The following RS1 variants were observed in gnomAD, a reference collection of about 807,000 sequenced individuals.
RS1 encodes retinoschisin.
In RS1, 2 loss-of-function variants were observed where a neutral mutation model predicts 20.8. The ratio of observed to expected loss-of-function variants is 0.10; its 90% confidence interval spans 0.04 to 0.30. RS1 has a LOEUF of 0.30. Ranked by LOEUF, RS1 falls within the 10% of genes least tolerant of loss-of-function variation. RS1 has a pLI of 1.00. For synonymous variants in RS1, 70 were observed against 75.8 expected, an observed-to-expected ratio of 0.92 and a Z score of 0.40; for missense variants, 151 against 189.8, an observed-to-expected ratio of 0.80 and a Z score of 1.20.
chrX:18,641,838 A>T lies in RS1; in HGVS notation c.*166T>A, dbSNP rs1927585547. 1 of 467,779 alleles carries T rather than the reference A, an allele frequency of 2.1e-6. No homozygotes were observed. Among genetic ancestry groups the T allele is most frequent in the Non-Finnish European group, 3.6e-6 (1 of 278,919 alleles). The allele number at this position is 467,779 out of a possible 1,213,427, so 38.6% of individuals were successfully genotyped here. ...GAATAAGTTCATTTTTATTTCATTG[A>T]AATCAGAAAGCTATATCTTAAAAAA... On this transcript the variant is annotated 3_prime_UTR_variant, in exon 6 of 6. Transcript: ENST00000379984.
At chrX:18,650,362 CCT>C (rs1355614575) in intron 3 of RS1, 1 of 1,157,867 alleles carries the variant, frequency 8.6e-7, no homozygotes, top group Non-Finnish European at 1.2e-6. Context: ...CCGATGCCTG[CCT>C]CCCGGGCCCC....
At chrX:18,666,290 T>C (rs112602884) in intron 1 of RS1, among the ~76,000 whole-genome samples, 2 of 111,642 alleles carry the variant, frequency 1.8e-5, no homozygotes, top group African/African-American at 6.5e-5. Flanking sequence ...CTTTTGGGCT[T>C]AGGGAAGCCC....
Position 18,641,939 on chromosome X carries a change from AG to A in RS1, c.*64del. On this transcript the variant is annotated 3_prime_UTR_variant, in exon 6 of 6. Coordinates refer to ENST00000379984, the MANE Select transcript of RS1 (RefSeq NM_000330.4). Reference sequence around the variant, plus strand: ...GCCCTGTCCATCTCGGTGGTGTGTGAGGGGGTCCCCTACGGCCCGCTCTGTG... The same window carrying A: ...GCCCTGTCCATCTCGGTGGTGTGTGAGGGGTCCCCTACGGCCCGCTCTGTG... The A allele has an allele frequency of 9.0e-7, 1 of 1,111,352 alleles. No homozygotes were observed. Among genetic ancestry groups the A allele is most frequent in the Non-Finnish European group, 1.2e-6 (1 of 825,296 alleles). 91.6% of individuals were successfully genotyped at this position (1,111,352 alleles called of 1,213,427 possible).
At chrX:18,667,867 T>C (rs894392255) in intron 1 of RS1, among the ~76,000 whole-genome samples, 2 of 111,780 alleles carry the variant, frequency 1.8e-5, no homozygotes, top group African/African-American at 6.5e-5. Flanking sequence ...CATATCCTTA[T>C]GGAAGTGAGC....
In RS1 at chrX:18,653,057, G is replaced by C. The variant is rs142914969; in HGVS notation, c.184+3596C>G. Among the ~76,000 whole-genome samples, 343 of 112,260 alleles carry C rather than the reference G, an allele frequency of 3.1e-3. 3 individuals are homozygous for C. The highest frequency in any genetic ancestry group is 0.011 in the African/African-American group (329 of 30,981). ...AGTGTTATGCATAGATATTAGACTT[G>C]AATATATGTGACAATATAGTAGAGT... On this transcript the variant is annotated intron_variant, in intron 3 of 5. Transcript: ENST00000379984.
At chrX:18,652,539 G>GC (rs1393123583) in intron 3 of RS1, among the ~76,000 whole-genome samples, 3 of 111,415 alleles carry the variant, frequency 2.7e-5, no homozygotes, top group East Asian at 5.7e-4. Context: ...CGCAGTGGTT[G>GC]GCACCTGTAA....
intron 1 of RS1, among the ~76,000 whole-genome samples, chrX:18,664,734 A>G (rs1478946075): frequency 9.0e-6 from 1 of 110,678 alleles, no homozygotes; most frequent in Non-Finnish European, 1.9e-5. Context: ...TATTATTTTG[A>G]GACAGGTTCT....
chrX:18,657,192 A>G (rs1928230936), intron 2 of RS1, among the ~76,000 whole-genome samples: 1 of 103,550 alleles, frequency 9.7e-6, no homozygotes, highest in African/African-American at 3.5e-5. Flanking sequence ...CAAATGTGCT[A>G]CAGTCACCAT....
At chrX:18,651,534 T>A (rs1180606042) in intron 3 of RS1, among the ~76,000 whole-genome samples, 2 of 110,787 alleles carry the variant, frequency 1.8e-5, no homozygotes, top group African/African-American at 6.6e-5. Flanking sequence ...CTGGGCACGC[T>A]CAGAAAACTT....
intron 3 of RS1, chrX:18,650,505 C>G: frequency 1.7e-6 from 2 of 1,211,951 alleles, no homozygotes; most frequent in Non-Finnish European, 1.1e-6. Flanking sequence ...TGCTCCCTAT[C>G]CAGTACTCCA....
In RS1 at chrX:18,642,136, G is replaced by A; in HGVS notation, c.543C>T (p.Asp181=). 2 of 1,211,858 alleles carry A rather than the reference G, an allele frequency of 1.7e-6. No homozygotes were observed. Among genetic ancestry groups the A allele is most frequent in the African/African-American group, 1.7e-5 (1 of 57,880 alleles). Residue 181 remains aspartate (D), a synonymous_variant, in exon 6 of 6, where the codon GAC becomes GAT. Transcript: ENST00000379984. ...GCAGGTTCTGAACCGTGGAGGTGCG[G>A]TCCGAGTTGCCATAGAAGACCTAGA... The part of the protein sequence containing the change: ...GNNRVFYGNS[D]RTSTVQNLLR...
chrX:18,646,046 G>A, intron 4 of RS1: 1 of 1,211,881 alleles, frequency 8.3e-7, no homozygotes, highest in Non-Finnish European at 1.1e-6. Context: ...CACCATTCTG[G>A]ACCCCAAGAT....
chrX:18,666,277 G>A (rs1014603543), intron 1 of RS1, among the ~76,000 whole-genome samples: 66 of 111,948 alleles, frequency 5.9e-4, no homozygotes, highest in African/African-American at 1.9e-3. Flanking sequence ...ACAGGGACTG[G>A]TCCTTTTGGG....
intron 1 of RS1, among the ~76,000 whole-genome samples, chrX:18,669,777 C>A (rs948868676): frequency 8.9e-6 from 1 of 112,093 alleles, no homozygotes; most frequent in Admixed American, 9.5e-5. Flanking sequence ...TCCTCTGTCC[C>A]CTGGAGCATC....
intron 4 of RS1, among the ~76,000 whole-genome samples, chrX:18,646,520 C>T (rs1228337796): frequency 2.7e-5 from 3 of 112,474 alleles, no homozygotes; most frequent in Non-Finnish European, 5.6e-5. Context: ...CTTTGGTGCT[C>T]TTTGTTACAA....
In RS1 at chrX:18,653,347, T is replaced by TG. The variant is rs1569232339; in HGVS notation, c.184+3305dup. On this transcript the variant is annotated intron_variant, in intron 3 of 5. Coordinates refer to ENST00000379984, the MANE Select transcript of RS1 (RefSeq NM_000330.4). Reference sequence around the variant, plus strand: ...AGAATGCATGTGGCCTTCTGCTCCGTGGGGGGCCCGGGCATTAGCCAGAGT... The same window carrying TG: ...AGAATGCATGTGGCCTTCTGCTCCGTGGGGGGGCCCGGGCATTAGCCAGAGT... 3 of 1,171,770 alleles carry TG rather than the reference T, an allele frequency of 2.6e-6. No individual in the cohort carries two copies. In the African/African-American group the frequency reaches 5.3e-5, roughly 21 times the overall value.
intron 5 of RS1, among the ~76,000 whole-genome samples, chrX:18,643,829 AAT>A (rs755520723): frequency 3.5e-4 from 37 of 105,522 alleles, no homozygotes; most frequent in African/African-American, 4.1e-4. Context: ...ATTCATAGCA[AAT>A]ATATATATAT....
At chrX:18,670,481 C>T (rs2147209129) in intron 1 of RS1, among the ~76,000 whole-genome samples, 1 of 110,873 alleles carries the variant, frequency 9.0e-6, no homozygotes, top group Admixed American at 9.7e-5. Context: ...CCCGCCTCAG[C>T]CTCCCAAAGT....
At chrX:18,670,188 T>C (rs1451153000) in intron 1 of RS1, among the ~76,000 whole-genome samples, 1 of 108,219 alleles carries the variant, frequency 9.2e-6, no homozygotes, top group African/African-American at 3.4e-5. Context: ...GACTCAGCAC[T>C]GTGGAAGAAA....
Sources: gnomAD v4.1 joint callset for allele counts (sites outside exome capture counted in the v4.1 genomes callset) on GRCh38, gnomAD v4.1.1 for gene constraint, MANE v1.5 for transcripts, NCBI Gene and HGNC (gene_info 2026-07-23, HGNC 2026-07-21) for gene names.